CERS6: variants seen among roughly 807,000 people sequenced by gnomAD.
CERS6 encodes the protein LAG1 homolog, ceramide synthase 6.
Under a neutral mutation model 56.8 loss-of-function variants are expected in CERS6, and 26 were observed. That is an observed-to-expected ratio of 0.46 (90% CI 0.34 to 0.63). The LOEUF (loss-of-function observed/expected upper bound fraction) is 0.63, where lower values mean the gene tolerates loss of function less well. Ranked by LOEUF, CERS6 falls within the 30% of genes least tolerant of loss-of-function variation. CERS6 has a pLI of 0.01. For missense variants in CERS6, 415 were observed against 467.5 expected, an observed-to-expected ratio of 0.89 and a Z score of 1.04; for synonymous variants, 164 against 173.3, an observed-to-expected ratio of 0.95 and a Z score of 0.42.
chr2:168,461,048 A>T (rs1481987731), intron 1 of CERS6, among the ~76,000 whole-genome samples: 1 of 152,104 alleles, frequency 6.6e-6, no homozygotes, highest in Non-Finnish European at 1.5e-5. Flanking sequence ...GAGGGGAGTG[A>T]GTGAATGACT....
intron 9 of CERS6, 151 bp downstream of exon 9, chr2:168,765,899 A>T: frequency 1.4e-6 from 1 of 695,850 alleles, no homozygotes; most frequent in Non-Finnish European, 2.3e-6. Context: ...TTTCTAGTTC[A>T]TTTTTTAAGT....
chr2:168,562,086 C>G (rs1189363669), intron 3 of CERS6, among the ~76,000 whole-genome samples: 2 of 152,210 alleles, frequency 1.3e-5, no homozygotes, highest in African/African-American at 2.4e-5. Flanking sequence ...CCTATGTCTT[C>G]TAACAGTCCC....
At chr2:168,762,244 T>C (rs966314588) in intron 8 of CERS6, among the ~76,000 whole-genome samples, 2 of 152,240 alleles carry the variant, frequency 1.3e-5, no homozygotes, top group African/African-American at 2.4e-5. Context: ...TAATTTTTAA[T>C]GTTTCCTGTT....
At chr2:168,661,656 G>C (rs1685631570) in intron 4 of CERS6, among the ~76,000 whole-genome samples, 1 of 152,184 alleles carries the variant, frequency 6.6e-6, no homozygotes, top group East Asian at 1.9e-4. Context: ...TTTCTCTCAT[G>C]CATTCAGGGT....
intron 3 of CERS6, among the ~76,000 whole-genome samples, chr2:168,571,970 C>T (rs995563274): frequency 6.6e-6 from 1 of 152,166 alleles, no homozygotes; most frequent in African/African-American, 2.4e-5. Context: ...AGGCTGTTTA[C>T]TGCTGTTAGG....
chr2:168,540,273 T>C (rs1314269229), intron 1 of CERS6, among the ~76,000 whole-genome samples: 1 of 152,128 alleles, frequency 6.6e-6, no homozygotes, highest in Non-Finnish European at 1.5e-5. Flanking sequence ...AGATTATGAT[T>C]ACTGTACCTT....
At chr2:168,523,537 G>A (rs1695020513) in intron 1 of CERS6, among the ~76,000 whole-genome samples, 1 of 152,058 alleles carries the variant, frequency 6.6e-6, no homozygotes, top group South Asian at 2.1e-4. Flanking sequence ...GTACGACAGT[G>A]GCACGTGCAG....
chr2:168,632,138 C>T (rs1301792100), intron 4 of CERS6, among the ~76,000 whole-genome samples: 1 of 151,646 alleles, frequency 6.6e-6, no homozygotes, highest in African/African-American at 2.4e-5. Flanking sequence ...TTAAATAAAA[C>T]CCTGTGAAGG....
intron 4 of CERS6, among the ~76,000 whole-genome samples, chr2:168,682,095 C>G (rs1186445261): frequency 6.6e-6 from 1 of 152,164 alleles, no homozygotes; most frequent in African/African-American, 2.4e-5. Flanking sequence ...ATGCAGATAT[C>G]TCTTTGACAT....
intron 9 of CERS6, among the ~76,000 whole-genome samples, chr2:168,768,334 A>G (rs1479836700): frequency 6.6e-6 from 1 of 151,474 alleles, no homozygotes; most frequent in Non-Finnish European, 1.5e-5. Context: ...GGCTCAAGCA[A>G]TTCTCCTGCC....
intron 9 of CERS6, among the ~76,000 whole-genome samples, chr2:168,767,726 G>C (rs1684758653): frequency 6.6e-6 from 1 of 152,216 alleles, no homozygotes. Flanking sequence ...CAAGTTGGGA[G>C]AGGTGGAGGG....
intron 8 of CERS6, among the ~76,000 whole-genome samples, chr2:168,765,346 A>G (rs1186051933): frequency 6.6e-6 from 1 of 152,242 alleles, no homozygotes; most frequent in Non-Finnish European, 1.5e-5. Context: ...TATTTATTTT[A>G]TCATTTTTAA....
intron 1 of CERS6, among the ~76,000 whole-genome samples, chr2:168,483,501 G>GA (rs1457781747): frequency 1.3e-5 from 2 of 152,182 alleles, no homozygotes; most frequent in African/African-American, 4.8e-5. Context: ...CGAGAAAACA[G>GA]ACTTGGTTCA....
At chr2:168,492,653 C>G (rs1694394985) in intron 1 of CERS6, among the ~76,000 whole-genome samples, 1 of 152,112 alleles carries the variant, frequency 6.6e-6, no homozygotes, top group Non-Finnish European at 1.5e-5. Context: ...CTTTTGTTGC[C>G]ATTGCTTTTG....
chr2:168,722,760 C>A (rs1226843730), intron 8 of CERS6, among the ~76,000 whole-genome samples: 4 of 152,134 alleles, frequency 2.6e-5, no homozygotes, highest in Admixed American at 2.6e-4. Flanking sequence ...TTTGCACAGC[C>A]CTTTCTCCTC....
chr2:168,530,825 C>T (rs16855446), intron 1 of CERS6, among the ~76,000 whole-genome samples: 4,159 of 152,234 alleles, frequency 0.027, 75 homozygotes, highest in South Asian at 0.051. Context: ...TGATCAACTC[C>T]TCAGATGAGG....
intron 3 of CERS6, among the ~76,000 whole-genome samples, chr2:168,582,350 G>A (rs970595087): frequency 6.6e-5 from 10 of 152,138 alleles, no homozygotes; most frequent in Non-Finnish European, 8.8e-5. Flanking sequence ...AGGAGCTGTG[G>A]TGTTCTACTT....
rs904634409 is a variant in CERS6 at position 168,553,942 on chromosome 2, C to A, written c.276+6241C>A. Among the ~76,000 whole-genome samples the A allele has an allele frequency of 3.3e-5, 5 of 152,076 alleles. No individual in the cohort carries two copies. The South Asian group carries it at 1.0e-3, about 32-fold the overall frequency. ...AGCATATCAGTGAAAGCTGGCAAAT[C>A]ATTACAAGTATACGCATATTTAATA... On this transcript the variant is annotated intron_variant, in intron 2 of 9. Transcript: ENST00000305747.
At chr2:168,652,088 T>TA (rs916602223) in intron 4 of CERS6, among the ~76,000 whole-genome samples, 76 of 141,228 alleles carry the variant, frequency 5.4e-4, no homozygotes, top group African/African-American at 7.0e-4. Flanking sequence ...CCTTAAGACT[T>TA]AAAAAAAAAA....
Sources: gnomAD v4.1 joint callset for allele counts (sites outside exome capture counted in the v4.1 genomes callset) on GRCh38, gnomAD v4.1.1 for gene constraint, MANE v1.5 for transcripts, NCBI Gene and HGNC (gene_info 2026-07-23, HGNC 2026-07-21) for gene names.